Variants in FRMD4B observed in about 807,000 individuals in gnomAD.
FRMD4B encodes the protein FERM domain-containing protein 4B.
In FRMD4B, 74 loss-of-function variants were observed where a neutral mutation model predicts 141.5. The observed-to-expected ratio is 0.52, with a 90% CI of 0.43 to 0.63. The LOEUF (loss-of-function observed/expected upper bound fraction) is 0.63, where lower values mean the gene tolerates loss of function less well. Ranked by LOEUF, FRMD4B falls within the 30% of genes least tolerant of loss-of-function variation. The probability of loss-of-function intolerance (pLI) is 0.00; values close to 1 mark genes in which losing one functional copy is unlikely to be tolerated. For synonymous variants in FRMD4B, 506 were observed against 467.9 expected, an observed-to-expected ratio of 1.08 and a Z score of -1.05; for missense variants, 1,366 against 1,253.4, an observed-to-expected ratio of 1.09 and a Z score of -1.36.
intron 1 of FRMD4B, among the ~76,000 whole-genome samples, chr3:69,470,007 G>A (rs1283635553): frequency 6.6e-6 from 1 of 152,104 alleles, no homozygotes; most frequent in Non-Finnish European, 1.5e-5. Context: ...CTAGTTCAGA[G>A]GTTTGTTGAA....
chr3:69,229,371 C>T (rs1015644364), intron 7 of FRMD4B, among the ~76,000 whole-genome samples: 3 of 152,100 alleles, frequency 2.0e-5, no homozygotes, highest in South Asian at 2.1e-4. Flanking sequence ...TATTTCTTCA[C>T]GTTAGAAAAG....
chr3:69,173,071 T>C (rs2092605966), intron 22 of FRMD4B, among the ~76,000 whole-genome samples: 2 of 152,126 alleles, frequency 1.3e-5, no homozygotes, highest in African/African-American at 4.8e-5. Context: ...CAAAAGAGAA[T>C]TTACAACTGA....
chr3:69,325,112 A>AGAAAGAAT (rs1702150173), intron 1 of FRMD4B, among the ~76,000 whole-genome samples: 3 of 151,510 alleles, frequency 2.0e-5, no homozygotes, highest in Non-Finnish European at 4.4e-5. Context: ...AAAGAAAGAA[A>AGAAAGAAT]GAAAGAAAGA....
intron 11 of FRMD4B, among the ~76,000 whole-genome samples, chr3:69,212,033 A>C (rs11397143): frequency 0.17 from 13,210 of 79,592 alleles, 802 homozygotes; most frequent in African/African-American, 0.26. Context: ...GACACCCCCC[A>C]AAAAAAAAAA....
intron 1 of FRMD4B, among the ~76,000 whole-genome samples, chr3:69,372,531 G>A (rs1306086638): frequency 6.6e-6 from 1 of 152,140 alleles, no homozygotes; most frequent in Non-Finnish European, 1.5e-5. Flanking sequence ...TGGGCGTGGT[G>A]GCACGCACCT....
At chr3:69,239,178 T>C in intron 7 of FRMD4B, among the ~76,000 whole-genome samples, 1 of 152,284 alleles carries the variant, frequency 6.6e-6, no homozygotes, top group South Asian at 2.1e-4. Context: ...GCCTAGAAAC[T>C]CACTTTTCCA....
At chr3:69,323,971 C>G (rs1702100924) in intron 1 of FRMD4B, among the ~76,000 whole-genome samples, 1 of 152,144 alleles carries the variant, frequency 6.6e-6, no homozygotes, top group Non-Finnish European at 1.5e-5. Context: ...TTGATCCAGA[C>G]TCACCAAACC....
chr3:69,216,312 T>C lies in FRMD4B; in HGVS notation c.827A>G (p.Tyr276Cys), dbSNP rs367868060. 3.2e-6 allele frequency: 5 copies of C among 1,576,170 alleles called. No individual in the cohort carries two copies. The highest frequency in any genetic ancestry group is 2.7e-5 in the African/African-American group (2 of 74,380). Residue 276 changes from tyrosine (Y) to cysteine (C), a missense_variant, in exon 11 of 23, where the codon TAT (tyrosine) becomes TGT (cysteine). Tyr to Cys is a radical substitution (Grantham distance 194). Transcript: ENST00000398540. ...QGLPWWLGIS[Y>C]KGIGQYDIQD... ...TATATCATATTGGCCAATTCCCTTATAGCTTATTCCAAGCCACCAAGGAAG... is the reference window on the plus strand; with the variant it reads ...TATATCATATTGGCCAATTCCCTTACAGCTTATTCCAAGCCACCAAGGAAG...
At chr3:69,264,997 T>G (rs1324970032) in intron 5 of FRMD4B, among the ~76,000 whole-genome samples, 1 of 151,936 alleles carries the variant, frequency 6.6e-6, no homozygotes, top group East Asian at 1.9e-4. Flanking sequence ...GGCTCACGCC[T>G]GTAATCCCAA....
At chr3:69,329,768 G>C (rs908379537) in intron 1 of FRMD4B, among the ~76,000 whole-genome samples, 3 of 151,568 alleles carry the variant, frequency 2.0e-5, no homozygotes, top group Non-Finnish European at 1.5e-5. Flanking sequence ...CTGACCTCAG[G>C]TGATCTGCCT....
At chr3:69,340,032 G>A (rs1575745862) in intron 1 of FRMD4B, among the ~76,000 whole-genome samples, 1 of 151,998 alleles carries the variant, frequency 6.6e-6, no homozygotes, top group South Asian at 2.1e-4. Flanking sequence ...TTACTCCCTG[G>A]GCCCCAGCCA....
rs1424405444 is a variant in FRMD4B, at chr3:69,170,817, T to C, written c.*1044A>G. 1 of 152,210 alleles carries C rather than the reference T, an allele frequency of 6.6e-6. No homozygotes were observed. Among genetic ancestry groups the C allele is most frequent in the Non-Finnish European group, 1.5e-5 (1 of 68,038 alleles). 9.4% of individuals were successfully genotyped at this position (152,210 alleles called of 1,614,324 possible). A position where few individuals can be genotyped will look rare whatever the true frequency, so the allele number is the denominator to read the frequency against. On this transcript the variant is annotated 3_prime_UTR_variant, in exon 23 of 23. Transcript: ENST00000398540. ...TGTCGTTGTTGTTGTTTTTCTTTTT[T>C]AATGTTAACCTTGTTTTTGTCACTT...
At chr3:69,227,646 G>C (rs1330181606) in intron 7 of FRMD4B, among the ~76,000 whole-genome samples, 11 of 149,164 alleles carry the variant, frequency 7.4e-5, no homozygotes, top group African/African-American at 9.9e-5. Flanking sequence ...TGGGGGACAA[G>C]AGTGAGACTT....
At chr3:69,248,276 G>T (rs528718678) in intron 7 of FRMD4B, among the ~76,000 whole-genome samples, 63 of 151,426 alleles carry the variant, frequency 4.2e-4, no homozygotes, top group African/African-American at 1.4e-3. Flanking sequence ...TATATATATA[G>T]AGAGAGCACA....
intron 22 of FRMD4B, among the ~76,000 whole-genome samples, chr3:69,174,276 C>A (rs955486033): frequency 1.3e-5 from 2 of 151,960 alleles, no homozygotes; most frequent in African/African-American, 4.8e-5. Context: ...TCATATTGGT[C>A]ATATAAAATA....
At chr3:69,483,304 G>A (rs962435295) in intron 1 of FRMD4B, among the ~76,000 whole-genome samples, 2 of 152,204 alleles carry the variant, frequency 1.3e-5, no homozygotes, top group Non-Finnish European at 2.9e-5. Context: ...CTTTGCCAGA[G>A]ATTCTTGGAT....
At chr3:69,420,702 TACTGTGAAAC>T (rs1307081063) in intron 2 of FRMD4B, among the ~76,000 whole-genome samples, 1 of 152,212 alleles carries the variant, frequency 6.6e-6, no homozygotes, top group Non-Finnish European at 1.5e-5. Flanking sequence ...GTAACATTCA[TACTGTGAAAC>T]ACTATTTCAA....
chr3:69,536,388 G>A lies in FRMD4B; in HGVS notation c.-129+5818C>T, dbSNP rs537100894. 218 of 711,282 alleles carry A rather than the reference G, an allele frequency of 3.1e-4. 3 individuals carry two copies. In the East Asian group the frequency reaches 5.9e-3, roughly 19 times the overall value. 44.1% of individuals were successfully genotyped at this position (711,282 alleles called of 1,614,324 possible). A position where few individuals can be genotyped will look rare whatever the true frequency, so the allele number is the denominator to read the frequency against. On this transcript the variant is annotated intron_variant, in intron 1 of 5. Coordinates refer to the FRMD4B transcript ENST00000459638. ...GCCTGGCGAGGAGGCTGCGGCACAT[G>A]CCAGTGGCCAGCGCCTGCTTCAGCA...
rs1300670359 is a variant in FRMD4B at position 69,224,596 on chromosome 3, A to T, written c.665+11T>A. On this transcript the variant is annotated intron_variant, in intron 8 of 22. Transcript: ENST00000398540. The stretch of plus-strand genomic sequence containing the variant: ...TGAAAATGAGACACCTGTTATGTGG[A>T]TTTGGCTTACCAGTAGGCAAGGGAT... 1.4e-6 allele frequency: 2 copies of T among 1,380,020 alleles called. No homozygotes were observed. Among genetic ancestry groups the T allele is most frequent in the Non-Finnish European group, 2.1e-6 (2 of 973,244 alleles). 85.5% of individuals were successfully genotyped at this position (1,380,020 alleles called of 1,614,324 possible). A position where few individuals can be genotyped will look rare whatever the true frequency, so the allele number is the denominator to read the frequency against.
Sources: gnomAD v4.1 joint callset for allele counts (sites outside exome capture counted in the v4.1 genomes callset) on GRCh38, gnomAD v4.1.1 for gene constraint, MANE v1.5 for transcripts, NCBI Gene and HGNC (gene_info 2026-07-23, HGNC 2026-07-21) for gene names.